P3H2: variants seen among roughly 807,000 people sequenced by gnomAD.
P3H2 encodes the protein prolyl 3-hydroxylase 2, also known as leprecan-like 1.
A neutral mutation model predicts 87.0 loss-of-function variants in P3H2; 80 were observed. That is an observed-to-expected ratio of 0.92 (90% CI 0.77 to 1.11). P3H2 has a LOEUF of 1.11. Ranked by LOEUF, P3H2 falls within the 50% of genes least tolerant of loss-of-function variation. The pLI, the probability that P3H2 is intolerant of heterozygous loss-of-function variation, is 0.00. For synonymous variants in P3H2, 367 were observed against 359.3 expected (o/e 1.02, Z -0.24); for missense variants, 1,001 against 923.9 (o/e 1.08, Z -1.08).
intron 14 of P3H2, among the ~76,000 whole-genome samples, chr3:189,960,820 A>G (rs1722789767): frequency 6.6e-6 from 1 of 152,282 alleles, no homozygotes; most frequent in African/African-American, 2.4e-5. Flanking sequence ...AAGAGCTTGT[A>G]ATAAAAAATG....
chr3:190,050,909 AC>A (rs1199209443), intron 1 of P3H2, among the ~76,000 whole-genome samples: 1 of 152,200 alleles, frequency 6.6e-6, no homozygotes, highest in Admixed American at 6.5e-5. Flanking sequence ...TGTTTCACAA[AC>A]CTACACAATA....
chr3:190,042,615 A>G (rs1044443948), intron 1 of P3H2, among the ~76,000 whole-genome samples: 1 of 152,204 alleles, frequency 6.6e-6, no homozygotes, highest in Non-Finnish European at 1.5e-5. Flanking sequence ...CTTCGGAACA[A>G]CCTTATGAAT....
intron 1 of P3H2, among the ~76,000 whole-genome samples, chr3:190,090,305 T>C (rs745598853): frequency 6.6e-6 from 1 of 152,168 alleles, no homozygotes; most frequent in Non-Finnish European, 1.5e-5. Context: ...CTGAGTAAAA[T>C]GCTTACTGAA....
intron 8 of P3H2, among the ~76,000 whole-genome samples, chr3:189,978,096 GAAGA>G (rs1560345417): frequency 6.6e-6 from 1 of 152,104 alleles, no homozygotes; most frequent in African/African-American, 2.4e-5. Flanking sequence ...GTTCCTTCAA[GAAGA>G]AAGATAAGAT....
chr3:190,098,034 G>A (rs879400564), intron 1 of P3H2, among the ~76,000 whole-genome samples: 4 of 151,766 alleles, frequency 2.6e-5, no homozygotes, highest in Non-Finnish European at 5.9e-5. Flanking sequence ...TTACTGTGGT[G>A]AAAAATAAAA....
rs373164760 is a variant in P3H2 at position 190,048,542 on chromosome 3, T to C, written c.481-53100A>G. 5.3e-5 allele frequency among the ~76,000 whole-genome samples: 8 copies of C among 152,348 alleles called. No homozygotes were observed. In the East Asian group the frequency reaches 1.5e-3, roughly 29 times the overall value. On this transcript the variant is annotated intron_variant, in intron 1 of 14. Transcript: ENST00000319332. Reference sequence around the variant, plus strand: ...AACTACCATAGATTTTGCTTTATTTTACTAGATGATTTTTGTACCTGGTAG... The same window carrying C: ...AACTACCATAGATTTTGCTTTATTTCACTAGATGATTTTTGTACCTGGTAG...
intron 1 of P3H2, among the ~76,000 whole-genome samples, chr3:190,101,788 A>G (rs1711637235): frequency 1.3e-5 from 2 of 152,218 alleles, no homozygotes; most frequent in African/African-American, 4.8e-5. Context: ...ATTGTAGATA[A>G]AGCATCTTCT....
chr3:190,037,082 T>C (rs1196227593), intron 1 of P3H2, among the ~76,000 whole-genome samples: 1 of 152,152 alleles, frequency 6.6e-6, no homozygotes, highest in Non-Finnish European at 1.5e-5. Context: ...TTATAGTTTA[T>C]TCTGGCCAAT....
At chr3:189,959,138 A>G (rs1297287334) in intron 14 of P3H2, among the ~76,000 whole-genome samples, 1 of 149,360 alleles carries the variant, frequency 6.7e-6, no homozygotes, top group Non-Finnish European at 1.5e-5. Flanking sequence ...TCTCTTTCCT[A>G]CTCACAGCTC....
Position 190,050,553 on chromosome 3 carries a change from A to G in P3H2, c.481-55111T>C, listed in dbSNP as rs182316083. 1.7e-3 allele frequency among the ~76,000 whole-genome samples: 259 copies of G among 152,278 alleles called. 2 individuals are homozygous for G. The highest frequency in any genetic ancestry group is 5.9e-3 in the African/African-American group (245 of 41,580). ...AAGGCATGTCTTATCATTGATTCCA[A>G]TTAATTTACTAAAACTTTCGAGTCC... is the stretch of plus-strand genomic sequence containing the variant. On this transcript the variant is annotated intron_variant, in intron 1 of 14. Coordinates refer to ENST00000319332, the MANE Select transcript of P3H2 (RefSeq NM_018192.4).
At position 190,017,726 on chromosome 3, in the gene P3H2, CTTTG is replaced by C. The variant is rs201759633; in HGVS notation, c.481-22288_481-22285del. Among the ~76,000 whole-genome samples, 337 of 152,286 alleles carry C rather than the reference CTTTG, an allele frequency of 2.2e-3. 13 individuals carry two copies. The East Asian group carries it at 0.059, about 27-fold the overall frequency. On this transcript the variant is annotated intron_variant, in intron 1 of 14. Transcript: ENST00000319332. ...GTTAGTCTTGGAGAAGGAGCAAACA[CTTTG>C]TTTGTGGATTCACAAGAAAACCTCT...
rs1050314276 is a variant in P3H2 at position 189,971,713 on chromosome 3, T to C, written c.1817+177A>G. ...TGCAAACTGTGCACAATTTTTAAGATAAAAGTGAGATGATAATGCCACTTA... is the reference window on the plus strand; with the variant it reads ...TGCAAACTGTGCACAATTTTTAAGACAAAAGTGAGATGATAATGCCACTTA... On this transcript the variant is annotated intron_variant, in intron 12 of 14. Transcript: ENST00000319332. The C allele has an allele frequency of 4.6e-5, 28 of 611,110 alleles. No homozygotes were observed. The African/African-American group carries it at 4.8e-4, about 10-fold the overall frequency. 37.9% of individuals were successfully genotyped at this position (611,110 alleles called of 1,614,324 possible). A position where few individuals can be genotyped will look rare whatever the true frequency, so the allele number is the denominator to read the frequency against.
At chr3:190,048,765 T>A (rs1020606576) in intron 1 of P3H2, among the ~76,000 whole-genome samples, 2 of 152,120 alleles carry the variant, frequency 1.3e-5, no homozygotes, top group African/African-American at 4.8e-5. Context: ...AAGCAATGTT[T>A]CTTCCAGGTC....
At chr3:190,093,348 T>G (rs911223394) in intron 1 of P3H2, among the ~76,000 whole-genome samples, 6 of 152,138 alleles carry the variant, frequency 3.9e-5, no homozygotes, top group Admixed American at 3.3e-4. Flanking sequence ...CAAATGGCCC[T>G]ACCCTTCTAT....
At chr3:190,087,399 C>T (rs1216037898) in intron 1 of P3H2, among the ~76,000 whole-genome samples, 3 of 151,142 alleles carry the variant, frequency 2.0e-5, no homozygotes, top group South Asian at 4.2e-4. Flanking sequence ...AAGAAATTAG[C>T]TGGGTGTGGT....
chr3:190,106,906 C>G (rs1399923786), intron 1 of P3H2, among the ~76,000 whole-genome samples: 1 of 152,152 alleles, frequency 6.6e-6, no homozygotes. Context: ...AGAAAATTTA[C>G]ATAAAGCTTT....
intron 1 of P3H2, among the ~76,000 whole-genome samples, chr3:190,028,692 C>T (rs1187155792): frequency 1.3e-5 from 2 of 151,140 alleles, no homozygotes; most frequent in African/African-American, 2.4e-5. Flanking sequence ...CTATGTTTTA[C>T]AATGATTTTA....
At chr3:189,961,407 T>A (rs1420778162) in intron 14 of P3H2, among the ~76,000 whole-genome samples, 2 of 152,212 alleles carry the variant, frequency 1.3e-5, no homozygotes, top group African/African-American at 4.8e-5. Context: ...TAAAAGGATG[T>A]TGCTAAATAC....
At chr3:189,993,244 T>A (rs1723936924) in intron 3 of P3H2, among the ~76,000 whole-genome samples, 1 of 147,768 alleles carries the variant, frequency 6.8e-6, no homozygotes, top group South Asian at 2.1e-4. Context: ...ATTGCTTGAA[T>A]CCGGGAGGCA....
Sources: allele counts gnomAD v4.1 joint callset (sites outside exome capture counted in the v4.1 genomes callset), GRCh38; gene constraint gnomAD v4.1.1; transcripts MANE v1.5; gene names NCBI Gene and HGNC (gene_info 2026-07-23, HGNC 2026-07-21).